Variants in DNAH1 observed in about 807,000 individuals in gnomAD.
The protein encoded by DNAH1 is axonemal beta dynein heavy chain 1.
In DNAH1, 327 loss-of-function variants were observed where a neutral mutation model predicts 484.3. That is an observed-to-expected ratio of 0.68 (90% CI 0.62 to 0.74). The LOEUF (loss-of-function observed/expected upper bound fraction) is 0.74, where lower values mean the gene tolerates loss of function less well. DNAH1 is among the 30% of genes least tolerant of loss of function. The probability of loss-of-function intolerance (pLI) is 0.00; values close to 1 mark genes in which losing one functional copy is unlikely to be tolerated. For missense variants in DNAH1, 5,052 were observed against 5,546.8 expected (o/e 0.91, Z 2.83); for synonymous variants, 2,192 against 2,191.9 (o/e 1.00, Z 0.00).
In DNAH1 at chr3:52,373,557, G is replaced by T. The variant is rs543277290; in HGVS notation, c.6985+504G>T. The T allele has an allele frequency of 7.4e-6, 11 of 1,480,206 alleles. No homozygotes were observed. The Admixed American group carries it at 1.9e-4, about 26-fold the overall frequency. 91.7% of individuals were successfully genotyped at this position (1,480,206 alleles called of 1,614,324 possible). The stretch of plus-strand genomic sequence containing the variant: ...AGTGTCTGCTAAAATAAAAGTACCC[G>T]TCTCTCAGCCCATAGTGAAGAAAGA... On this transcript the variant is annotated intron_variant, in intron 44 of 77. Coordinates refer to ENST00000420323, the MANE Select transcript of DNAH1 (RefSeq NM_015512.5).
At chr3:52,374,066 C>G (rs1703476721) in intron 44 of DNAH1, 1 of 1,025,394 alleles carries the variant, frequency 9.8e-7, no homozygotes, top group Non-Finnish European at 1.5e-6. Flanking sequence ...GCTTTTAAAG[C>G]TCTTTGACAG....
intron 48 of DNAH1, 106 bp downstream of exon 48, chr3:52,380,241 A>C: frequency 7.0e-6 from 7 of 1,001,894 alleles, no homozygotes; most frequent in Non-Finnish European, 1.0e-5. Context: ...CCACACTATA[A>C]CCAGGGGGCC....
In DNAH1 at chr3:52,353,708, A is replaced by T; in HGVS notation, c.3480+75A>T. On this transcript the variant is annotated intron_variant, in intron 20 of 77. Transcript: ENST00000420323. This position sits in a 1 kb window ranked among gnomAD's most constrained non-coding sequence, Gnocchi z 5.0. ...AGCCTGACCTCCTGCTCTGGCAACC[A>T]CAGCCACTTGGGAGGATGACAGTAA... 2.0e-6 allele frequency: 3 copies of T among 1,537,030 alleles called. No homozygotes were observed. In the East Asian group the frequency reaches 7.3e-5, roughly 38 times the overall value.
rs1303122490 is a variant in DNAH1, at chr3:52,366,524, G to T, written c.5586G>T (p.Gly1862=). The T allele has an allele frequency of 1.1e-5, 18 of 1,599,812 alleles. No individual in the cohort carries two copies. The highest frequency in any genetic ancestry group is 1.4e-5 in the Non-Finnish European group (17 of 1,173,730). The change falls in exon 35 of 78, where the codon GGG becomes GGT. Residue 1862 remains glycine (G), a synonymous_variant. Transcript: ENST00000420323. The stretch of plus-strand genomic sequence containing the variant: ...TACGACACGGCCTCATGCTCGTCGG[G>T]CCCACAGGCTCCGGCAAGAGTACTG... ...TVVRHGLMLV[G]PTGSGKSTCY...
chr3:52,380,993 T>C (rs557435477), intron 48 of DNAH1, among the ~76,000 whole-genome samples: 2 of 152,328 alleles, frequency 1.3e-5, no homozygotes, highest in African/African-American at 4.8e-5. Context: ...TCATATGAGT[T>C]ATGGAGTTCA....
chr3:52,383,838 A>T (rs760109410), intron 51 of DNAH1, 22 bp from the exon 52 acceptor site: 2 of 1,571,422 alleles, frequency 1.3e-6, no homozygotes, highest in Non-Finnish European at 1.7e-6. Flanking sequence ...TCTGGACCTC[A>T]TTTGGATTCC....
intron 10 of DNAH1, 42 bp downstream of exon 10, chr3:52,345,748 A>G: frequency 6.3e-7 from 1 of 1,575,524 alleles, no homozygotes; most frequent in Non-Finnish European, 8.6e-7. Flanking sequence ...CGCAGGGCAG[A>G]CCCTTGGAAC....
In DNAH1 at chr3:52,361,892, G is replaced by A. The variant is rs1195660000; in HGVS notation, c.4980+126G>A. The A allele has an allele frequency of 2.0e-6, 2 of 1,021,632 alleles. No individual in the cohort carries two copies. The highest frequency in any genetic ancestry group is 2.9e-6 in the Non-Finnish European group (2 of 698,954). 63.3% of individuals were successfully genotyped at this position (1,021,632 alleles called of 1,614,324 possible). On this transcript the variant is annotated intron_variant, in intron 30 of 77. Transcript: ENST00000420323. This position sits in a 1 kb window ranked among gnomAD's most constrained non-coding sequence, Gnocchi z 5.6. ...CTGGGTCCAGCCTCTCTTGTCCCGGGGGCACACCCTAACCCCAGTCTGTGG... is the reference window on the plus strand; with the variant it reads ...CTGGGTCCAGCCTCTCTTGTCCCGGAGGCACACCCTAACCCCAGTCTGTGG...
rs1704383363 is a variant in DNAH1 at position 52,391,532 on chromosome 3, G to C, written c.9981G>C (p.Lys3327Asn). The change falls in exon 63 of 78, where the codon AAG becomes AAC. Residue 3327 changes from lysine (K) to asparagine (N), a missense_variant. Lys to Asn is a moderately conservative substitution (Grantham distance 94, BLOSUM62 0). Around this residue, in one of 4 missense-constraint regions of DNAH1, gnomAD observed 2,929 missense variants for 3,409.4 expected, o/e 0.86. Transcript: ENST00000420323. ...ACTTCAGGATGTACATCACCACCAA[G>C]CTGCCCAACCCACACTACACGCCCG... The part of the protein sequence containing the change: ...HEDFRMYITT[K>N]LPNPHYTPEI... The C allele has an allele frequency of 6.2e-7, 1 of 1,604,778 alleles. No individual in the cohort carries two copies. Among genetic ancestry groups the C allele is most frequent in the Non-Finnish European group, 8.5e-7 (1 of 1,175,600 alleles).
Position 52,379,801 on chromosome 3 carries a change from TCA to T in DNAH1, c.7378-103_7378-102del. ...CCATGGTGGGAGAGCCAGGCTCCAG[TCA>T]GGGCCCCAGGAACTGGGGCCCACCC... On this transcript the variant is annotated intron_variant, in intron 47 of 77. Transcript: ENST00000420323. This position sits in a 1 kb window ranked among gnomAD's most constrained non-coding sequence, Gnocchi z 4.4. 1 of 1,007,182 alleles carries T rather than the reference TCA, an allele frequency of 9.9e-7. No homozygotes were observed. Among genetic ancestry groups the T allele is most frequent in the Admixed American group, 2.8e-5 (1 of 35,794 alleles). The allele number at this position is 1,007,182 out of a possible 1,614,324, so 62.4% of individuals were successfully genotyped here. A position where few individuals can be genotyped will look rare whatever the true frequency, so the allele number is the denominator to read the frequency against.
In DNAH1 at chr3:52,378,627, C is replaced by G; in HGVS notation, c.7224C>G (p.Phe2408Leu). ...CTGGGGCCCCCCACATTGCCCACTT[C>G]ACGGAGCCCCTTGTGGAAGCCACCA... ...RVPGAPHIAHFTEPLVEATIM... is the reference protein window; with the variant it reads ...RVPGAPHIAHLTEPLVEATIM... Residue 2408 changes from phenylalanine to leucine, a missense_variant, in exon 47 of 78, where the codon TTC becomes TTG. Physicochemically the swap from Phe to Leu is conservative, Grantham distance 22 (BLOSUM62 0). This residue lies in a region of DNAH1 where 2,929 missense variants were observed against 3,409.4 expected (regional missense o/e 0.86). Coordinates refer to ENST00000420323, the MANE Select transcript of DNAH1 (RefSeq NM_015512.5). The G allele has an allele frequency of 6.2e-7, 1 of 1,613,610 alleles. No homozygotes were observed. The highest frequency in any genetic ancestry group is 8.5e-7 in the Non-Finnish European group (1 of 1,179,824).
At chr3:52,350,441 G>C in intron 15 of DNAH1, 67 bp from the exon 16 acceptor site, 7 of 1,467,566 alleles carry the variant, frequency 4.8e-6, no homozygotes, top group Non-Finnish European at 6.6e-6. Flanking sequence ...TCTCTGGGGA[G>C]CCAGGTTCCG....
chr3:52,357,875 C>G (rs1434611972), intron 23 of DNAH1, 23 bp from the exon 24 acceptor site: 1 of 1,607,936 alleles, frequency 6.2e-7, no homozygotes, highest in Non-Finnish European at 8.5e-7. Flanking sequence ...CGACCCGCTT[C>G]CTCACCCCTG....
Position 52,372,930 on chromosome 3 carries a change from A to G in DNAH1, c.6862A>G (p.Asn2288Asp), listed in dbSNP as rs766613252. The stretch of plus-strand genomic sequence containing the variant: ...TGTGTTTGGACCACCTCTGGGGCGC[A>G]ACTTTATCTTCTTCATCGATGACCT... Reference protein sequence around the residue: ...KGVFGPPLGRNFIFFIDDLNM... With the variant: ...KGVFGPPLGRDFIFFIDDLNM... The change falls in exon 44 of 78, where the codon AAC (asparagine) becomes GAC (aspartate). Residue 2288 changes from asparagine to aspartate, a missense_variant. Asn to Asp is a conservative substitution (Grantham distance 23). Coordinates refer to ENST00000420323, the MANE Select transcript of DNAH1 (RefSeq NM_015512.5). The G allele has an allele frequency of 1.2e-6, 2 of 1,613,496 alleles. No homozygotes were observed.
At chr3:52,385,486 T>C in intron 54 of DNAH1, 39 bp downstream of exon 54, 2 of 1,526,124 alleles carry the variant, frequency 1.3e-6, no homozygotes, top group Non-Finnish European at 1.8e-6. Context: ...TGCCTGACTC[T>C]GAGGAAGCTC....
chr3:52,311,849 A>G (rs1022868984), upstream of DNAH1, among the ~76,000 whole-genome samples: 2 of 152,208 alleles, frequency 1.3e-5, no homozygotes, highest in Non-Finnish European at 2.9e-5. Context: ...GACGGCCCAC[A>G]GGGACCCCCC....
rs766129816 is a variant in DNAH1, at chr3:52,375,987, C to T, written c.7192C>T (p.Arg2398Cys). The change falls in exon 46 of 78, where the codon CGT becomes TGT. Residue 2398 changes from arginine to cysteine, a missense_variant. By Grantham distance (180) the Arg-to-Cys change is radical. Transcript: ENST00000420323. ...GLLGEKSYRE[R>C]VPGAPHIAHF... Reference sequence around the variant, plus strand: ...CCTTGGAGAAAAAAGCTACCGGGAGCGTGTGCGTAAGTGTGGGCCTGGGCG... The same window carrying T: ...CCTTGGAGAAAAAAGCTACCGGGAGTGTGTGCGTAAGTGTGGGCCTGGGCG... The T allele has an allele frequency of 2.9e-5, 46 of 1,611,904 alleles. No individual in the cohort carries two copies. Among genetic ancestry groups the T allele is most frequent in the Non-Finnish European group, 3.6e-5 (43 of 1,179,296 alleles).
intron 39 of DNAH1, 55 bp from the exon 40 acceptor site, chr3:52,370,422 C>T: frequency 4.3e-6 from 7 of 1,609,692 alleles, no homozygotes; most frequent in Non-Finnish European, 5.9e-6. Flanking sequence ...CCCACTTCCT[C>T]AGGCCGCTTG....
intron 8 of DNAH1, among the ~76,000 whole-genome samples, chr3:52,338,491 A>G (rs554855911): frequency 6.6e-6 from 1 of 151,960 alleles, no homozygotes; most frequent in South Asian, 2.1e-4. Context: ...CTTACAATAA[A>G]CTCTATTAAA....
Sources: allele counts gnomAD v4.1 joint callset (sites outside exome capture counted in the v4.1 genomes callset), GRCh38; gene constraint gnomAD v4.1.1; regional missense constraint gnomAD v4.1.1; non-coding constraint Gnocchi (gnomAD v3.1); transcripts MANE v1.5; gene names NCBI Gene and HGNC (gene_info 2026-07-23, HGNC 2026-07-21).